CA10: variants seen among roughly 807,000 people sequenced by gnomAD.
CA10 encodes carbonic anhydrase 10 (inactive).
In CA10, 14 loss-of-function variants were observed where a neutral mutation model predicts 44.2. The ratio of observed to expected loss-of-function variants is 0.32; its 90% CI spans 0.21 to 0.50. CA10 has a LOEUF of 0.50. CA10 is among the 20% of genes least tolerant of loss of function. CA10 has a pLI of 0.99. For missense variants in CA10, 350 were observed against 409.7 expected (o/e 0.85, Z 1.26); for synonymous variants, 159 against 141.6 (o/e 1.12, Z -0.87).
intron 4 of CA10, among the ~76,000 whole-genome samples, chr17:51,667,931 C>T (rs960138566): frequency 5.3e-5 from 8 of 152,308 alleles, no homozygotes; most frequent in African/African-American, 1.9e-4. Context: ...CCAAGTGTAT[C>T]TGTGTGTATG....
intron 3 of CA10, among the ~76,000 whole-genome samples, chr17:51,874,169 C>A (rs1979943946): frequency 6.6e-6 from 1 of 152,006 alleles, no homozygotes; most frequent in South Asian, 2.1e-4. Context: ...TGCTCTAAGT[C>A]CATTTTTGTA....
chr17:51,704,927 C>T (rs139336008), intron 4 of CA10, among the ~76,000 whole-genome samples: 80 of 151,432 alleles, frequency 5.3e-4, no homozygotes, highest in African/African-American at 1.8e-3. Flanking sequence ...CAGGATCACG[C>T]CATTCCACTC....
In CA10 at chr17:52,155,193, G is replaced by A. The variant is rs555036236; in HGVS notation, c.61+2533C>T. On this transcript the variant is annotated intron_variant, in intron 1 of 8. Coordinates refer to ENST00000451037, the MANE Select transcript of CA10 (RefSeq NM_020178.5). ...ATCAATGCTTCAAGTATCAATGTCT[G>A]GTAACTCTGTAAGGATTAGCACCCA... Among the ~76,000 whole-genome samples, 16 of 152,256 alleles carry A rather than the reference G, an allele frequency of 1.1e-4. No homozygotes were observed. The South Asian group carries it at 2.1e-3, about 20-fold the overall frequency.
In CA10 at chr17:51,655,570, T is replaced by C. The variant is rs1183136342; in HGVS notation, c.466-1834A>G. ...CTGTGCATCCAGATCACCTGGGTGC[T>C]TTTAAAGCCCACCTGTGCCTGTCTA... On this transcript the variant is annotated intron_variant, in intron 4 of 8. Transcript: ENST00000451037. 2.0e-5 allele frequency among the ~76,000 whole-genome samples: 3 copies of C among 152,232 alleles called. No homozygotes were observed. In the East Asian group the frequency reaches 5.8e-4, roughly 29 times the overall value.
chr17:51,913,464 T>A (rs1981867528), intron 3 of CA10, among the ~76,000 whole-genome samples: 1 of 152,182 alleles, frequency 6.6e-6, no homozygotes, highest in South Asian at 2.1e-4. Flanking sequence ...ATTGTTTGTC[T>A]GAGATTTTTG....
At chr17:52,056,456 G>T (rs1004170893) in intron 2 of CA10, among the ~76,000 whole-genome samples, 1 of 152,164 alleles carries the variant, frequency 6.6e-6, no homozygotes, top group Non-Finnish European at 1.5e-5. Flanking sequence ...GGCTGGGAAA[G>T]AGGAGCTGGC....
intron 4 of CA10, among the ~76,000 whole-genome samples, chr17:51,679,718 G>A (rs562136718): frequency 7.8e-4 from 119 of 152,134 alleles, no homozygotes; most frequent in African/African-American, 2.7e-3. Flanking sequence ...GAGCACAGAG[G>A]TGAAGCCTGT....
intron 3 of CA10, among the ~76,000 whole-genome samples, chr17:51,874,956 TTTTCTTTTTTTTCTTTTC>T (rs796481229): frequency 2.6e-3 from 172 of 66,846 alleles, no homozygotes; most frequent in Middle Eastern, 8.3e-3. Context: ...TTCTGTTTTT[TTTTCTTTTTTTTCTTTTC>T]TTTTCTTTTC....
intron 3 of CA10, among the ~76,000 whole-genome samples, chr17:51,866,618 G>C (rs1302415129): frequency 6.6e-6 from 1 of 152,124 alleles, no homozygotes; most frequent in Non-Finnish European, 1.5e-5. Flanking sequence ...GACCTTCATT[G>C]AACTAACACT....
At chr17:52,100,691 C>T (rs866721186) in intron 1 of CA10, among the ~76,000 whole-genome samples, 1 of 152,276 alleles carries the variant, frequency 6.6e-6, no homozygotes, top group Middle Eastern at 3.4e-3. Flanking sequence ...ACAGCCTTCT[C>T]CCCATATCTG....
intron 2 of CA10, among the ~76,000 whole-genome samples, chr17:52,055,634 T>C (rs1987207317): frequency 2.0e-5 from 3 of 152,136 alleles, no homozygotes; most frequent in Admixed American, 6.6e-5. Flanking sequence ...TATTGTGTGA[T>C]ATATTATAAA....
chr17:51,866,129 T>C (rs767409766), intron 3 of CA10, among the ~76,000 whole-genome samples: 9 of 152,246 alleles, frequency 5.9e-5, no homozygotes, highest in South Asian at 2.1e-4. Flanking sequence ...TGATAGTTCC[T>C]GACGATGCCA....
intron 2 of CA10, among the ~76,000 whole-genome samples, chr17:52,047,577 C>T (rs1462370061): frequency 1.3e-5 from 2 of 151,918 alleles, no homozygotes; most frequent in Admixed American, 6.6e-5. Flanking sequence ...AAAAGTTTCA[C>T]ACAAAAGTAA....
intron 4 of CA10, among the ~76,000 whole-genome samples, chr17:51,739,609 C>A (rs909820936): frequency 1.3e-5 from 2 of 152,076 alleles, no homozygotes; most frequent in South Asian, 4.1e-4. Context: ...TAATGCAATG[C>A]CCTCTCTCTT....
chr17:51,951,781 T>C (rs899015150), intron 2 of CA10, among the ~76,000 whole-genome samples: 4 of 152,164 alleles, frequency 2.6e-5, no homozygotes, highest in African/African-American at 9.7e-5. Flanking sequence ...CTGAACAAAA[T>C]CTGATCTTCA....
intron 3 of CA10, among the ~76,000 whole-genome samples, chr17:51,816,188 T>C (rs1323826367): frequency 6.6e-6 from 1 of 152,254 alleles, no homozygotes; most frequent in Non-Finnish European, 1.5e-5. Flanking sequence ...TGTGCCTGAC[T>C]TATTTCACCT....
chr17:51,977,318 A>T (rs1280469080), intron 2 of CA10, among the ~76,000 whole-genome samples: 2 of 151,924 alleles, frequency 1.3e-5, no homozygotes, highest in Non-Finnish European at 2.9e-5. Context: ...ACCCAATAAC[A>T]CATTTTTTTA....
chr17:51,653,048 G>C (rs1190891559), intron 5 of CA10, among the ~76,000 whole-genome samples: 1 of 151,844 alleles, frequency 6.6e-6, no homozygotes, highest in Non-Finnish European at 1.5e-5. Flanking sequence ...GAGATTTTAT[G>C]TTGTCGTTGT....
intron 4 of CA10, among the ~76,000 whole-genome samples, chr17:51,673,765 G>A (rs1195795720): frequency 1.3e-5 from 2 of 152,114 alleles, no homozygotes; most frequent in African/African-American, 4.8e-5. Context: ...CCCTGCAAAC[G>A]AAATCCTTCA....
Sources: allele counts gnomAD v4.1 joint callset (sites outside exome capture counted in the v4.1 genomes callset), GRCh38; gene constraint gnomAD v4.1.1; transcripts MANE v1.5; gene names NCBI Gene and HGNC (gene_info 2026-07-23, HGNC 2026-07-21).